Variants in IDE observed in about 807,000 individuals in gnomAD.
The protein encoded by IDE is insulin degrading enzyme.
In IDE, 58 loss-of-function variants were observed where a neutral mutation model predicts 133.2. That is an observed-to-expected ratio of 0.44 (90% CI 0.35 to 0.54). The LOEUF (loss-of-function observed/expected upper bound fraction) is 0.54. Ranked by LOEUF, IDE falls within the 20% of genes least tolerant of loss-of-function variation. The probability of loss-of-function intolerance (pLI) is 0.00; values close to 1 mark genes in which losing one functional copy is unlikely to be tolerated. For synonymous variants in IDE, 396 were observed against 421.3 expected, an observed-to-expected ratio of 0.94 and a Z score of 0.73; for missense variants, 981 against 1,234.0, an observed-to-expected ratio of 0.79 and a Z score of 3.07.
At position 92,571,599 on chromosome 10, in the gene IDE, CCA is replaced by C. The variant is rs1303668329; in HGVS notation, c.98+2321_98+2322del. On this transcript the variant is annotated intron_variant, in intron 1 of 24. Coordinates refer to ENST00000265986, the MANE Select transcript of IDE (RefSeq NM_004969.4). ...AGGTGCCCCAGTAGTTCAGATAATT[CCA>C]CACAGTCCCAAGTTATAAAATACAG... 3.9e-5 allele frequency among the ~76,000 whole-genome samples: 6 copies of C among 152,106 alleles called. No individual in the cohort carries two copies. The East Asian group carries it at 7.7e-4, about 20-fold the overall frequency.
chr10:92,569,771 C>CA (rs960469047), intron 1 of IDE, among the ~76,000 whole-genome samples: 1 of 152,162 alleles, frequency 6.6e-6, no homozygotes, highest in African/African-American at 2.4e-5. Context: ...ATGTGTCAGG[C>CA]AGAGTGTGAT....
At chr10:92,572,971 C>T (rs1843861996) in intron 1 of IDE, 1 of 985,362 alleles carries the variant, frequency 1.0e-6, no homozygotes, top group South Asian at 4.7e-5. Flanking sequence ...GTCAAAGTTC[C>T]TTGGAAGGCA....
intron 11 of IDE, among the ~76,000 whole-genome samples, chr10:92,500,248 G>T (rs1847932564): frequency 6.6e-6 from 1 of 151,158 alleles, no homozygotes; most frequent in Admixed American, 6.6e-5. Context: ...AGTGAGCTGA[G>T]ATCGCACCAT....
intron 17 of IDE, among the ~76,000 whole-genome samples, chr10:92,473,293 C>T (rs189399922): frequency 3.7e-4 from 56 of 151,782 alleles, no homozygotes; most frequent in East Asian, 1.7e-3. Context: ...GATTAATTGG[C>T]GAGGTAATGT....
In IDE at chr10:92,507,560, G is replaced by A; in HGVS notation, c.1245+15C>T. On this transcript the variant is annotated intron_variant, in intron 9 of 24. Transcript: ENST00000265986. ...AACAGATTCCTTAAGAAAAATTTTGGTGAAACAAAAGTACCTTGCACTCTT... is the reference window on the plus strand; with the variant it reads ...AACAGATTCCTTAAGAAAAATTTTGATGAAACAAAAGTACCTTGCACTCTT... 1 of 1,443,306 alleles carries A rather than the reference G, an allele frequency of 6.9e-7. No homozygotes were observed. The highest frequency in any genetic ancestry group is 9.8e-7 in the Non-Finnish European group (1 of 1,025,414). 89.4% of individuals were successfully genotyped at this position (1,443,306 alleles called of 1,614,324 possible). A position where few individuals can be genotyped will look rare whatever the true frequency, so the allele number is the denominator to read the frequency against.
intron 1 of IDE, among the ~76,000 whole-genome samples, chr10:92,540,259 A>C (rs1842231974): frequency 1.3e-5 from 2 of 152,282 alleles, no homozygotes; most frequent in South Asian, 4.1e-4. Flanking sequence ...GAAAAAAAAA[A>C]AAAACAGTTC....
chr10:92,566,974 A>G (rs1250473456), intron 1 of IDE, among the ~76,000 whole-genome samples: 1 of 152,180 alleles, frequency 6.6e-6, no homozygotes, highest in Non-Finnish European at 1.5e-5. Flanking sequence ...AAGCAAAACA[A>G]ATAAGAAACC....
intron 22 of IDE, among the ~76,000 whole-genome samples, chr10:92,459,452 A>G (rs1845236024): frequency 6.6e-6 from 1 of 152,222 alleles, no homozygotes; most frequent in South Asian, 2.1e-4. Flanking sequence ...CTAGAAAAAA[A>G]TACTGTAGAG....
intron 1 of IDE, among the ~76,000 whole-genome samples, chr10:92,552,857 C>CGAAAAAAAAAAAAAAAA (rs1842846016): frequency 1.2e-4 from 6 of 49,380 alleles, no homozygotes; most frequent in Non-Finnish European, 2.1e-4. Flanking sequence ...GACTCAGTCT[C>CGAAAAAAAAAAAAAAAA]AAAAAAAAAA....
At chr10:92,490,407 T>C (rs1340851699) in intron 12 of IDE, 86 bp downstream of exon 12, 3 of 824,038 alleles carry the variant, frequency 3.6e-6, no homozygotes, top group East Asian at 4.8e-5. Flanking sequence ...TCTTCCACAC[T>C]CTGGGGCCTT....
At chr10:92,565,038 G>A (rs1235334151) in intron 1 of IDE, among the ~76,000 whole-genome samples, 2 of 151,986 alleles carry the variant, frequency 1.3e-5, no homozygotes, top group East Asian at 3.9e-4. Flanking sequence ...CTGAGGTCAG[G>A]AGTTTGAGAC....
At chr10:92,470,117 T>C in intron 18 of IDE, 137 bp downstream of exon 18, 1 of 542,128 alleles carries the variant, frequency 1.8e-6, no homozygotes, top group Non-Finnish European at 3.2e-6. Context: ...TCTACCTTCC[T>C]CCACAGAGCA....
At chr10:92,508,650 G>A (rs752857579) in intron 7 of IDE, 78 bp downstream of exon 7, 5 of 1,330,710 alleles carry the variant, frequency 3.8e-6, no homozygotes, top group Non-Finnish European at 5.4e-6. Context: ...TCCTTCATAG[G>A]ACACTATTCA....
At chr10:92,540,270 T>C (rs1842233019) in intron 1 of IDE, among the ~76,000 whole-genome samples, 1 of 151,494 alleles carries the variant, frequency 6.6e-6, no homozygotes, top group African/African-American at 2.4e-5. Flanking sequence ...AAAACAGTTC[T>C]GGTTAAGACA....
intron 17 of IDE, among the ~76,000 whole-genome samples, chr10:92,473,871 A>G (rs1362682937): frequency 6.6e-6 from 1 of 151,856 alleles, no homozygotes; most frequent in East Asian, 1.9e-4. Context: ...AATCCCAGCT[A>G]CTCGGGAGGC....
chr10:92,569,599 G>A (rs903789532), intron 1 of IDE, among the ~76,000 whole-genome samples: 3 of 151,968 alleles, frequency 2.0e-5, no homozygotes, highest in Non-Finnish European at 4.4e-5. Flanking sequence ...GAGGGAAAAA[G>A]ATTCAAAGAT....
intron 3 of IDE, among the ~76,000 whole-genome samples, chr10:92,533,374 A>G (rs1168164115): frequency 6.6e-6 from 1 of 152,214 alleles, no homozygotes; most frequent in East Asian, 1.9e-4. Flanking sequence ...ACATAAAATA[A>G]AATAAGTAGG....
At chr10:92,519,572 C>T (rs2135589076) in intron 4 of IDE, among the ~76,000 whole-genome samples, 1 of 152,290 alleles carries the variant, frequency 6.6e-6, no homozygotes, top group African/African-American at 2.4e-5. Flanking sequence ...GCTAATTAAG[C>T]AACCTTGGAA....
intron 1 of IDE, 147 bp downstream of exon 1, chr10:92,573,775 G>A: frequency 1.7e-6 from 1 of 577,686 alleles, no homozygotes; most frequent in Non-Finnish European, 2.8e-6. Context: ...CGGCCTCAGC[G>A]CGGCAGTACG....
Sources: allele counts gnomAD v4.1 joint callset (sites outside exome capture counted in the v4.1 genomes callset), GRCh38; gene constraint gnomAD v4.1.1; transcripts MANE v1.5; gene names NCBI Gene and HGNC (gene_info 2026-07-23, HGNC 2026-07-21).